The following GRM4 variants were observed in gnomAD, a reference collection of about 807,000 sequenced individuals.
GRM4 encodes metabotropic glutamate receptor 4.
In GRM4, 28 loss-of-function variants were observed where a neutral mutation model predicts 81.7. That is an observed-to-expected ratio of 0.34 (90% CI 0.25 to 0.47). GRM4 has a LOEUF of 0.47. GRM4 is among the 20% of genes least tolerant of loss of function. The pLI is 1.00. For synonymous variants in GRM4, 488 were observed against 528.8 expected (o/e 0.92, Z 1.06); for missense variants, 948 against 1,290.0 (o/e 0.73, Z 4.06).
intron 3 of GRM4, among the ~76,000 whole-genome samples, chr6:34,087,801 C>CACACACACACACACACACAT (rs1767989775): frequency 7.5e-6 from 1 of 134,128 alleles, no homozygotes; most frequent in Non-Finnish European, 1.6e-5. Flanking sequence ...TGCACCCCTA[C>CACACACACACACACACACAT]ACACACACAC....
intron 2 of GRM4, among the ~76,000 whole-genome samples, chr6:34,119,297 A>G (rs1769710172): frequency 3.3e-5 from 5 of 152,184 alleles, no homozygotes; most frequent in Admixed American, 1.3e-4. Context: ...TCGGGAGGCT[A>G]AGGCAGGAGG....
At position 34,080,305 on chromosome 6, in the gene GRM4, TG is replaced by T. The variant is rs1221709632; in HGVS notation, c.736+11577del. ...CCCTCTCTGTCCACTTACACTGCTT[TG>T]TTCCTCTTCAGAGCAGCATCTTTCA... On this transcript the variant is annotated intron_variant, in intron 3 of 10. Coordinates refer to ENST00000538487, the MANE Select transcript of GRM4 (RefSeq NM_000841.4). The surrounding 1 kb of genome is among the most constrained non-coding windows in gnomAD (Gnocchi z 5.4). Among the ~76,000 whole-genome samples, 4 of 152,208 alleles carry T rather than the reference TG, an allele frequency of 2.6e-5. No homozygotes were observed. Among genetic ancestry groups the T allele is most frequent in the Non-Finnish European group, 5.9e-5 (4 of 68,046 alleles).
chr6:34,123,194 T>G (rs996966514), intron 2 of GRM4, among the ~76,000 whole-genome samples: 7 of 152,100 alleles, frequency 4.6e-5, no homozygotes, highest in African/African-American at 9.7e-5. Flanking sequence ...AGCCCTGCCT[T>G]GCATAGAGAG....
chr6:34,056,699 G>A lies in GRM4; in HGVS notation c.1028-15C>T. 2 of 1,611,124 alleles carry A rather than the reference G, an allele frequency of 1.2e-6. No individual in the cohort carries two copies. The highest frequency in any genetic ancestry group is 1.7e-6 in the Non-Finnish European group (2 of 1,178,618). The stretch of plus-strand genomic sequence containing the variant: ...GCGGTCGAAGCCTGGCAGGGAACCA[G>A]GACGTCAGGGCCTCACTGGCCTTCT... On this transcript the variant is annotated splice_polypyrimidine_tract_variant and intron_variant, in intron 5 of 10. Coordinates refer to ENST00000538487, the MANE Select transcript of GRM4 (RefSeq NM_000841.4).
chr6:34,117,435 C>T (rs1326740518), intron 2 of GRM4, among the ~76,000 whole-genome samples: 1 of 152,206 alleles, frequency 6.6e-6, no homozygotes, highest in African/African-American at 2.4e-5. Context: ...CCACAAACCC[C>T]ACCTGTCCAT....
chr6:34,144,158 C>G (rs925016701), intron 1 of GRM4, among the ~76,000 whole-genome samples: 9 of 152,216 alleles, frequency 5.9e-5, no homozygotes, highest in African/African-American at 1.9e-4. Context: ...GGCGCTCGTA[C>G]GTTCGGGCCT....
chr6:34,133,075 G>T lies in GRM4; in HGVS notation c.422C>A (p.Pro141Gln), dbSNP rs201351817. The change falls in exon 2 of 11, where the codon CCA becomes CAA. Residue 141 changes from proline to glutamine, a missense_variant. Pro to Gln is a moderately conservative substitution (Grantham distance 76). Transcript: ENST00000538487. The surrounding 1 kb of genome is among the most constrained non-coding windows in gnomAD (Gnocchi z 6.5). The part of the protein sequence containing the change: ...GTEVRCGSGG[P>Q]PIITKPERVV... ...ACGTTCAGGCTTGGTGATGATGGGT[G>T]GGCCGCCACTGCCACAGCGGACCTC... The T allele has an allele frequency of 4.7e-5, 76 of 1,613,630 alleles. No individual in the cohort carries two copies.
intron 10 of GRM4, among the ~76,000 whole-genome samples, chr6:34,023,562 C>G (rs988594965): frequency 1.3e-5 from 2 of 152,130 alleles, no homozygotes; most frequent in African/African-American, 4.8e-5. Context: ...TGAGCACCTA[C>G]CCTTTCTACT....
chr6:34,019,274 C>G lies in GRM4; in HGVS notation c.*3547G>C, dbSNP rs566898294. ...CTCCTGAGGTGGGTCTCCCCAGGGT[C>G]CTAGGAGTTCCACAAAGGTGCCCTG... is the stretch of plus-strand genomic sequence containing the variant. On this transcript the variant is annotated 3_prime_UTR_variant, in exon 11 of 11. Transcript: ENST00000538487. 6.6e-6 allele frequency: 1 copy of G among 152,416 alleles called. No homozygotes were observed. Among genetic ancestry groups the G allele is most frequent in the Non-Finnish European group, 1.5e-5 (1 of 68,098 alleles). 9.4% of individuals were successfully genotyped at this position (152,416 alleles called of 1,614,324 possible). A position where few individuals can be genotyped will look rare whatever the true frequency, so the allele number is the denominator to read the frequency against.
chr6:34,151,225 G>T (rs1273428236), intron 1 of GRM4, among the ~76,000 whole-genome samples: 1 of 152,196 alleles, frequency 6.6e-6, no homozygotes, highest in Non-Finnish European at 1.5e-5. Context: ...GGCTGACACT[G>T]TGCCGAGTTT....
At position 34,069,119 on chromosome 6, in the gene GRM4, G is replaced by A. The variant is rs891754665; in HGVS notation, c.737-7091C>T. Among the ~76,000 whole-genome samples, 2 of 151,806 alleles carry A rather than the reference G, an allele frequency of 1.3e-5. No homozygotes were observed. Among genetic ancestry groups the A allele is most frequent in the African/African-American group, 4.8e-5 (2 of 41,288 alleles). On this transcript the variant is annotated intron_variant, in intron 3 of 10. Transcript: ENST00000538487. This position sits in a 1 kb window ranked among gnomAD's most constrained non-coding sequence, Gnocchi z 6.4. ...CCCCCGGCTCCCATAGGGGAGGACA[G>A]AGGGGAGGACAGGGGCTGGAAGCTA...
intron 3 of GRM4, among the ~76,000 whole-genome samples, chr6:34,066,033 C>T (rs1166529286): frequency 1.3e-5 from 2 of 152,114 alleles, no homozygotes; most frequent in Non-Finnish European, 2.9e-5. Flanking sequence ...CCATCAAAAC[C>T]GACTTATGCT....
At chr6:34,095,168 G>T (rs1768454537) in intron 2 of GRM4, among the ~76,000 whole-genome samples, 1 of 152,182 alleles carries the variant, frequency 6.6e-6, no homozygotes, top group Admixed American at 6.5e-5. Flanking sequence ...CGCAGGAGGG[G>T]CCCCTGACCT....
intron 3 of GRM4, among the ~76,000 whole-genome samples, chr6:34,087,018 G>A (rs557241706): frequency 4.6e-5 from 7 of 152,246 alleles, no homozygotes; most frequent in East Asian, 1.9e-4. Context: ...CCAGCTACTC[G>A]GGAGGCTGAG....
intron 2 of GRM4, among the ~76,000 whole-genome samples, chr6:34,119,891 C>T (rs912145209): frequency 3.9e-5 from 6 of 152,140 alleles, no homozygotes; most frequent in Non-Finnish European, 5.9e-5. Context: ...CCCTTCCTAC[C>T]CCAGGCCTGC....
chr6:34,098,874 T>G (rs1768680383), intron 2 of GRM4, among the ~76,000 whole-genome samples: 2 of 151,078 alleles, frequency 1.3e-5, no homozygotes, highest in Admixed American at 6.6e-5. Context: ...AGAGAGGGGG[T>G]GGGGGCTGGG....
intron 6 of GRM4, among the ~76,000 whole-genome samples, chr6:34,043,090 G>C (rs1372487825): frequency 1.3e-5 from 2 of 152,284 alleles, no homozygotes; most frequent in South Asian, 4.1e-4. Flanking sequence ...AACTGAGGCT[G>C]GTGGGAAAGC....
rs780358133 is a variant in GRM4, at chr6:34,114,635, G to T, written c.519+18343C>A. On this transcript the variant is annotated intron_variant, in intron 2 of 10. Transcript: ENST00000538487. This position sits in a 1 kb window ranked among gnomAD's most constrained non-coding sequence, Gnocchi z 4.3. ...CATCCCTGTCACAGACAAGCCCAAG[G>T]TCCCACCGGTGCCCACCCTCTACCC... Among the ~76,000 whole-genome samples, 2 of 151,748 alleles carry T rather than the reference G, an allele frequency of 1.3e-5. No homozygotes were observed. Among genetic ancestry groups the T allele is most frequent in the Admixed American group, 6.6e-5 (1 of 15,236 alleles).
chr6:34,124,651 G>A (rs1769949672), intron 2 of GRM4, among the ~76,000 whole-genome samples: 1 of 152,228 alleles, frequency 6.6e-6, no homozygotes, highest in Admixed American at 6.5e-5. Flanking sequence ...GGGGTATGAG[G>A]CTTCTCTAAA....
Sources: gnomAD v4.1 joint callset for allele counts (sites outside exome capture counted in the v4.1 genomes callset) on GRCh38, gnomAD v4.1.1 for gene constraint, Gnocchi (gnomAD v3.1) non-coding constraint, MANE v1.5 for transcripts, NCBI Gene and HGNC (gene_info 2026-07-23, HGNC 2026-07-21) for gene names.